Variants in LAMC3 observed in about 807,000 individuals in gnomAD.
LAMC3 encodes laminin subunit gamma-3.
In LAMC3, 128 loss-of-function variants were observed where a neutral mutation model predicts 173.8. That is an observed-to-expected ratio of 0.74 (90% CI 0.64 to 0.85). The LOEUF (loss-of-function observed/expected upper bound fraction) is 0.85, where lower values mean the gene tolerates loss of function less well. Ranked by LOEUF, LAMC3 falls within the 40% of genes least tolerant of loss-of-function variation. The pLI is 0.00. For missense variants in LAMC3, 2,022 were observed against 2,156.0 expected, an observed-to-expected ratio of 0.94 and a Z score of 1.23; for synonymous variants, 897 against 909.1, an observed-to-expected ratio of 0.99 and a Z score of 0.24.
chr9:131,011,465 T>C (rs2133197390), intron 1 of LAMC3, among the ~76,000 whole-genome samples: 1 of 152,314 alleles, frequency 6.6e-6, no homozygotes, highest in East Asian at 1.9e-4. Flanking sequence ...CTCAGCCTGG[T>C]GACAGTGTCC....
intron 1 of LAMC3, among the ~76,000 whole-genome samples, chr9:131,019,323 C>G (rs752115582): frequency 8.5e-5 from 13 of 152,300 alleles, no homozygotes; most frequent in Admixed American, 4.6e-4. Flanking sequence ...TGTAACCTCC[C>G]CTTGGGGCAG....
At chr9:131,069,261 C>CTG (rs1357961055) in intron 16 of LAMC3, among the ~76,000 whole-genome samples, 1 of 152,212 alleles carries the variant, frequency 6.6e-6, no homozygotes, top group African/African-American at 2.4e-5. Context: ...GGGTGCAGGG[C>CTG]TGTGCTTGTG....
Position 131,056,997 on chromosome 9 carries a change from G to A in LAMC3, c.2008G>A (p.Val670Met). The A allele has an allele frequency of 6.2e-7, 1 of 1,614,116 alleles. No homozygotes were observed. Among genetic ancestry groups the A allele is most frequent in the Non-Finnish European group, 8.5e-7 (1 of 1,180,038 alleles). The part of the protein sequence containing the change: ...RPGLSPPASW[V>M]EICSCPTGYT... ...AGGGCTTTCCCCGCCAGCCTCCTGGGTGGAGATTTGTTCATGTCCCACTGG... is the reference window on the plus strand; with the variant it reads ...AGGGCTTTCCCCGCCAGCCTCCTGGATGGAGATTTGTTCATGTCCCACTGG... Residue 670 changes from valine (V) to methionine (M), a missense_variant, in exon 12 of 28, where the codon GTG becomes ATG. Transcript: ENST00000361069.
chr9:131,069,467 A>G (rs561290363), intron 16 of LAMC3, among the ~76,000 whole-genome samples: 51 of 152,276 alleles, frequency 3.3e-4, no homozygotes, highest in African/African-American at 1.2e-3. Flanking sequence ...TCCCGAGGGA[A>G]CATTGGAATA....
intron 8 of LAMC3, among the ~76,000 whole-genome samples, chr9:131,048,624 G>A (rs10901330): frequency 2.0e-5 from 3 of 151,736 alleles, no homozygotes; most frequent in Non-Finnish European, 4.4e-5. Context: ...GGCTCCCGTC[G>A]TGGCTGGGCC....
chr9:131,026,700 T>C lies in LAMC3; in HGVS notation c.678+111T>C. 2 of 1,420,328 alleles carry C rather than the reference T, an allele frequency of 1.4e-6. No homozygotes were observed. Among genetic ancestry groups the C allele is most frequent in the Non-Finnish European group, 1.8e-6 (2 of 1,087,432 alleles). The allele number at this position is 1,420,328 out of a possible 1,614,324, so 88.0% of individuals were successfully genotyped here. On this transcript the variant is annotated intron_variant, in intron 2 of 27. Transcript: ENST00000361069. The surrounding 1 kb of genome is among the most constrained non-coding windows in gnomAD (Gnocchi z 4.8). ...AGGGTGGGGGACCTGCAAAACCCCA[T>C]GGTTTTCTTTTTCTTCTTTTATTTT... is the stretch of plus-strand genomic sequence containing the variant.
rs1830190276 is a variant in LAMC3 at position 131,079,180 on chromosome 9, T to G, written c.3809T>G (p.Leu1270Arg). 1 of 1,613,890 alleles carries G rather than the reference T, an allele frequency of 6.2e-7. No individual in the cohort carries two copies. Among genetic ancestry groups the G allele is most frequent in the East Asian group, 2.2e-5 (1 of 44,872 alleles). Residue 1270 changes from leucine (L) to arginine (R), a missense_variant, in exon 23 of 28, where the codon CTG (leucine) becomes CGG (arginine). Physicochemically the swap from Leu to Arg is moderately radical, Grantham distance 102. Transcript: ENST00000361069. ...PQKSRAEDLG[L>R]KAKALEKTVA... is the part of the protein sequence containing the mutation. Reference sequence around the variant, plus strand: ...AAGTCCCGGGCTGAAGACCTGGGCCTGAAGGCGAAGGCCCTGGAGAAGACA... The same window carrying G: ...AAGTCCCGGGCTGAAGACCTGGGCCGGAAGGCGAAGGCCCTGGAGAAGACA...
chr9:131,036,981 C>T (rs929979032), intron 4 of LAMC3, among the ~76,000 whole-genome samples: 1 of 152,254 alleles, frequency 6.6e-6, no homozygotes, highest in African/African-American at 2.4e-5. Flanking sequence ...GCAGGAGACA[C>T]ATCTTCACTC....
At position 131,091,626 on chromosome 9, in the gene LAMC3, G is replaced by T; in HGVS notation, c.4567G>T (p.Gly1523Trp). The T allele has an allele frequency of 6.3e-7, 1 of 1,598,940 alleles. No individual in the cohort carries two copies. The highest frequency in any genetic ancestry group is 8.5e-7 in the Non-Finnish European group (1 of 1,173,216). Residue 1523 changes from glycine (G) to tryptophan (W), a missense_variant, in exon 28 of 28, where the codon GGG becomes TGG. Transcript: ENST00000361069. ...CCTGAGGCTGCAGCTGGGCTCCCCG[G>T]GGTCCTTGCAGAGGAAACTCAGTCT... is the stretch of plus-strand genomic sequence containing the variant. ...ERLRLQLGSP[G>W]SLQRKLSLLE...
chr9:131,051,741 C>A (rs574721148), intron 9 of LAMC3, among the ~76,000 whole-genome samples: 1 of 152,286 alleles, frequency 6.6e-6, no homozygotes, highest in East Asian at 1.9e-4. Context: ...CCTTGACACA[C>A]GCATGTTCCA....
Position 131,068,227 on chromosome 9 carries a change from C to G in LAMC3, c.2743C>G (p.Arg915Gly), listed in dbSNP as rs761037173. The change falls in exon 15 of 28, where the codon CGG becomes GGG. Residue 915 changes from arginine to glycine, a missense_variant. Coordinates refer to ENST00000361069, the MANE Select transcript of LAMC3 (RefSeq NM_006059.4). ...CGACCTCCAGCCTGGGAGGGGCTGC[C>G]GGAGGTAGGTAGGGTGAGACTGCCG... ...FFDLQPGRGC[R>G]SCKCHPLGSQ... The G allele has an allele frequency of 8.1e-6, 13 of 1,609,140 alleles. No individual in the cohort carries two copies. The South Asian group carries it at 1.3e-4, about 16-fold the overall frequency.
At chr9:131,054,011 AAAAAAC>A (rs756259906) in intron 11 of LAMC3, among the ~76,000 whole-genome samples, 29 of 145,910 alleles carry the variant, frequency 2.0e-4, no homozygotes, top group Non-Finnish European at 2.6e-4. Context: ...TCTAAAAAAA[AAAAAAC>A]AAAACAAAAA....
At chr9:131,082,924 C>T (rs1329663151) in intron 24 of LAMC3, among the ~76,000 whole-genome samples, 1 of 152,320 alleles carries the variant, frequency 6.6e-6, no homozygotes, top group East Asian at 1.9e-4. Flanking sequence ...AGCTGTGGAC[C>T]CAGCCCCTCT....
chr9:131,077,324 C>T lies in LAMC3; in HGVS notation c.3767C>T (p.Pro1256Leu), dbSNP rs774738544. 1.9e-5 allele frequency: 31 copies of T among 1,613,684 alleles called. No individual in the cohort carries two copies. Among genetic ancestry groups the T allele is most frequent in the East Asian group, 6.7e-5 (3 of 44,890 alleles). The part of the protein sequence containing the change: ...TAPYLALLAS[P>L]GALPQKSRAE... ...CCGTACCTGGCCTTGCTGGCTTCCC[C>T]GGGAGCTCTGGTCAGCTCAGTTGTC... Residue 1256 changes from proline to leucine, a missense_variant, in exon 22 of 28, where the codon CCG becomes CTG. Pro to Leu is a moderately conservative substitution (Grantham distance 98). Coordinates refer to ENST00000361069, the MANE Select transcript of LAMC3 (RefSeq NM_006059.4).
chr9:131,087,867 C>A (rs1359501511), intron 27 of LAMC3, 50 bp downstream of exon 27: 2 of 1,423,994 alleles, frequency 1.4e-6, no homozygotes, highest in South Asian at 1.2e-5. Flanking sequence ...CCTGGGGCAC[C>A]TCTAGGATCT....
At position 131,072,776 on chromosome 9, in the gene LAMC3, G is replaced by A. The variant is rs763732096; in HGVS notation, c.3358G>A (p.Ala1120Thr). Residue 1120 changes from alanine to threonine, a missense_variant, in exon 19 of 28, where the codon GCA becomes ACA. By Grantham distance (58) the Ala-to-Thr change is moderately conservative. Coordinates refer to ENST00000361069, the MANE Select transcript of LAMC3 (RefSeq NM_006059.4). Reference protein sequence around the residue: ...KTCTQLADLEAVLESSEEEIL... With the variant: ...KTCTQLADLETVLESSEEEIL... ...CTGCACCCAGCTGGCAGACCTGGAG[G>A]CAGTGCTGGAGTCCTCGGAAGAGGA... 1.2e-6 allele frequency: 2 copies of A among 1,613,454 alleles called. No individual in the cohort carries two copies. The highest frequency in any genetic ancestry group is 1.1e-5 in the South Asian group (1 of 90,852).
At chr9:131,030,552 G>A (rs1421427825) in intron 2 of LAMC3, among the ~76,000 whole-genome samples, 4 of 152,214 alleles carry the variant, frequency 2.6e-5, no homozygotes, top group African/African-American at 9.7e-5. Flanking sequence ...TGCACTGGCT[G>A]TGCAACTTGG....
chr9:131,084,596 A>G (rs1195101977), intron 24 of LAMC3, among the ~76,000 whole-genome samples: 1 of 152,192 alleles, frequency 6.6e-6, no homozygotes, highest in Non-Finnish European at 1.5e-5. Flanking sequence ...AATAAAATCT[A>G]TGGGAATTCT....
chr9:131,039,700 C>G (rs1834011962), intron 6 of LAMC3, among the ~76,000 whole-genome samples: 2 of 151,726 alleles, frequency 1.3e-5, no homozygotes, highest in Non-Finnish European at 2.9e-5. Flanking sequence ...GATTCCAGAG[C>G]CCAGTGCAAG....
Sources: gnomAD v4.1 joint callset for allele counts (sites outside exome capture counted in the v4.1 genomes callset) on GRCh38, gnomAD v4.1.1 for gene constraint, Gnocchi (gnomAD v3.1) non-coding constraint, MANE v1.5 for transcripts, NCBI Gene and HGNC (gene_info 2026-07-23, HGNC 2026-07-21) for gene names.